ZNF585A: variants seen among roughly 807,000 people sequenced by gnomAD.
ZNF585A encodes zinc finger protein 585A.
A neutral mutation model predicts 14.9 loss-of-function variants in ZNF585A; 9 were observed. The ratio of observed to expected loss-of-function variants is 0.60; its 90% CI spans 0.36 to 1.05. The LOEUF is 1.05. ZNF585A is among the 50% of genes least tolerant of loss of function. The pLI is 0.01. For synonymous variants in ZNF585A, 276 were observed against 319.9 expected (o/e 0.86, Z 1.46); for missense variants, 726 against 926.4 (o/e 0.78, Z 2.81).
rs1682742004 is a variant in ZNF585A at position 37,147,523 on chromosome 19, A to C, written c.*4066T>G. On this transcript the variant is annotated 3_prime_UTR_variant, in exon 5 of 5. Transcript: ENST00000292841. ...ACTACGTGAAAGTAGAAATAACCAA[A>C]ATATTATGTGAAAGTTTGATATGTA... 1 of 152,242 alleles carries C rather than the reference A, an allele frequency of 6.6e-6. No individual in the cohort carries two copies. Among genetic ancestry groups the C allele is most frequent in the Non-Finnish European group, 1.5e-5 (1 of 68,044 alleles). The allele number at this position is 152,242 out of a possible 1,614,324, so 9.4% of individuals were successfully genotyped here.
chr19:37,170,928 TAAAACAATATA>T (rs2145419942), intron 1 of ZNF585A, among the ~76,000 whole-genome samples: 1 of 152,324 alleles, frequency 6.6e-6, no homozygotes, highest in South Asian at 2.1e-4. Context: ...TATCAGATAT[TAAAACAATATA>T]AAAACAATGT....
In ZNF585A at chr19:37,156,358, G is replaced by A. The variant is rs754150486; in HGVS notation, c.73-3C>T. Reference sequence around the variant, plus strand: ...ACATCCCTGAAGGACACTGATCCCTGTAAGGGCAAATTCTTGTTCAATGTG... The same window carrying A: ...ACATCCCTGAAGGACACTGATCCCTATAAGGGCAAATTCTTGTTCAATGTG... On this transcript the variant is annotated splice_polypyrimidine_tract_variant and splice_region_variant and intron_variant, in intron 2 of 4. Coordinates refer to ENST00000292841, the MANE Select transcript of ZNF585A (RefSeq NM_001288800.2). 1.2e-5 allele frequency: 19 copies of A among 1,614,032 alleles called. No homozygotes were observed.
In ZNF585A at chr19:37,153,253, A is replaced by G. The variant is rs1971868764; in HGVS notation, c.646T>C (p.Cys216Arg). ...GAGAAGCCTTTCCCACACTGGCTGC[A>G]TTCATAGAGTTTCTCTCCGGTATGA... ...RIHTGEKLYE[C>R]SQCGKGFSYN... is the part of the protein sequence containing the mutation. Residue 216 changes from cysteine to arginine, a missense_variant, in exon 5 of 5, where the codon TGC becomes CGC. Transcript: ENST00000292841. The G allele has an allele frequency of 6.2e-7, 1 of 1,614,210 alleles. No homozygotes were observed. Among genetic ancestry groups the G allele is most frequent in the African/African-American group, 1.3e-5 (1 of 75,056 alleles).
intron 1 of ZNF585A, among the ~76,000 whole-genome samples, chr19:37,170,275 A>C (rs929955479): frequency 6.6e-6 from 1 of 152,198 alleles, no homozygotes; most frequent in Admixed American, 6.5e-5. Context: ...GAACCCAAAA[A>C]GTTTCGTTTC....
intron 2 of ZNF585A, among the ~76,000 whole-genome samples, chr19:37,169,297 G>A (rs1972144051): frequency 6.6e-6 from 1 of 151,972 alleles, no homozygotes. Flanking sequence ...GAATTAAAAT[G>A]TTGATAGTGG....
Position 37,150,192 on chromosome 19 carries a change from TG to T in ZNF585A, c.*1396del, listed in dbSNP as rs1971804693. On this transcript the variant is annotated 3_prime_UTR_variant, in exon 5 of 5. Coordinates refer to ENST00000292841, the MANE Select transcript of ZNF585A (RefSeq NM_001288800.2). ...ATGGTTCATTGTAAGTCACCGCCATTGCCTGAGGGGAAGGAAGAAAGTTAAC... is the reference window on the plus strand; with the variant it reads ...ATGGTTCATTGTAAGTCACCGCCATTCCTGAGGGGAAGGAAGAAAGTTAAC... 6.6e-6 allele frequency: 1 copy of T among 152,068 alleles called. No homozygotes were observed. The highest frequency in any genetic ancestry group is 2.4e-5 in the African/African-American group (1 of 41,380). The allele number at this position is 152,068 out of a possible 1,614,324, so 9.4% of individuals were successfully genotyped here. A position where few individuals can be genotyped will look rare whatever the true frequency, so the allele number is the denominator to read the frequency against.
At position 37,152,876 on chromosome 19, in the gene ZNF585A, G is replaced by A. The variant is rs746949800; in HGVS notation, c.1023C>T (p.Leu341=). The change falls in exon 5 of 5, where the codon CTC becomes CTT. Residue 341 remains leucine (L), a synonymous_variant. Coordinates refer to ENST00000292841, the MANE Select transcript of ZNF585A (RefSeq NM_001288800.2). The stretch of plus-strand genomic sequence containing the variant: ...TACTTTGAACTTTCTTATGTGTAAC[G>A]AGGTTGGAATTATTGCTGAAGACCT... ...YGKVFSNNSN[L]VTHKKVQSRE... is the part of the protein sequence containing the mutation. 5.0e-6 allele frequency: 8 copies of A among 1,614,176 alleles called. No homozygotes were observed. The highest frequency in any genetic ancestry group is 2.2e-5 in the East Asian group (1 of 44,888).
intron 2 of ZNF585A, among the ~76,000 whole-genome samples, chr19:37,162,082 C>G (rs913981274): frequency 3.9e-5 from 6 of 152,140 alleles, no homozygotes; most frequent in African/African-American, 1.2e-4. Context: ...GGCCAACATG[C>G]CTGGCTAGTT....
intron 2 of ZNF585A, among the ~76,000 whole-genome samples, chr19:37,161,461 C>A (rs1021723188): frequency 1.4e-4 from 22 of 152,128 alleles, no homozygotes; most frequent in Admixed American, 1.2e-3. Flanking sequence ...AGACTCATTG[C>A]ACAATTGATG....
rs1246758130 is a variant in ZNF585A at position 37,153,500 on chromosome 19, G to T, written c.399C>A (p.Ala133=). ...MYPGEKAYEC[A]KFEKIFTQKS... is the part of the protein sequence containing the mutation. The stretch of plus-strand genomic sequence containing the variant: ...TCTGGGTGAATATCTTTTCAAATTT[G>T]GCGCATTCATAAGCTTTCTCCCCAG... The change falls in exon 5 of 5, where the codon GCC becomes GCA. Residue 133 remains alanine, a synonymous_variant. Coordinates refer to ENST00000292841, the MANE Select transcript of ZNF585A (RefSeq NM_001288800.2). 1.5e-5 allele frequency: 25 copies of T among 1,614,070 alleles called. No individual in the cohort carries two copies. The highest frequency in any genetic ancestry group is 2.1e-5 in the Non-Finnish European group (25 of 1,180,026).
chr19:37,155,335 G>A (rs985718201), intron 4 of ZNF585A, among the ~76,000 whole-genome samples: 2 of 151,090 alleles, frequency 1.3e-5, no homozygotes, highest in Non-Finnish European at 3.0e-5. Context: ...CAGAATCCAC[G>A]AAGCCAAAGA....
Position 37,151,822 on chromosome 19 carries a change from T to C in ZNF585A, c.2077A>G (p.Ser693Gly). The stretch of plus-strand genomic sequence containing the variant: ...TTAGTGAAAGACTTCCCACAGTCAC[T>C]GCACTCATAAGGTTTCTCTCCAGTA... ...IHTGEKPYEC[S>G]DCGKSFTKKS... The change falls in exon 5 of 5, where the codon AGT becomes GGT. Residue 693 changes from serine to glycine, a missense_variant. Physicochemically the swap from Ser to Gly is moderately conservative, Grantham distance 56 (BLOSUM62 0). This residue lies in a region of ZNF585A where 243 missense variants were observed against 383.6 expected (regional missense o/e 0.63). Transcript: ENST00000292841. 4.3e-6 allele frequency: 7 copies of C among 1,612,572 alleles called. No homozygotes were observed. Among genetic ancestry groups the C allele is most frequent in the Non-Finnish European group, 5.9e-6 (7 of 1,179,130 alleles).
chr19:37,169,171 T>G (rs1972142390), intron 2 of ZNF585A, among the ~76,000 whole-genome samples: 2 of 152,154 alleles, frequency 1.3e-5, no homozygotes, highest in Non-Finnish European at 2.9e-5. Context: ...CCTAATACAC[T>G]ATCACAATAT....
chr19:37,152,013 G>C lies in ZNF585A; in HGVS notation c.1886C>G (p.Thr629Arg), dbSNP rs1289629734. ...SQLLVHQPVH[T>R]GEKPYVCAEC... ...GGCACACACATAGGGTTTCTCTCCT[G>C]TGTGAACTGGCTGATGCACCAGGAG... Residue 629 changes from threonine (T) to arginine (R), a missense_variant, in exon 5 of 5, where the codon ACA becomes AGA. By Grantham distance (71) the Thr-to-Arg change is moderately conservative. This residue lies in a region of ZNF585A where 243 missense variants were observed against 383.6 expected (regional missense o/e 0.63). Coordinates refer to ENST00000292841, the MANE Select transcript of ZNF585A (RefSeq NM_001288800.2). 3.1e-6 allele frequency: 5 copies of C among 1,613,322 alleles called. No individual in the cohort carries two copies. Among genetic ancestry groups the C allele is most frequent in the Non-Finnish European group, 4.2e-6 (5 of 1,179,660 alleles).
intron 4 of ZNF585A, among the ~76,000 whole-genome samples, chr19:37,155,287 C>G (rs552248534): frequency 3.9e-4 from 59 of 151,874 alleles, no homozygotes; most frequent in Non-Finnish European, 6.9e-4. Context: ...CGCGCCCGGC[C>G]AAGAAAGATC....
rs1415718645 is a variant in ZNF585A, at chr19:37,148,436, T to C, written c.*3153A>G. ...CACACACACACAAGGACTCCACTTA[T>C]ACAATATTATGGAAAAGGCAGAACT... On this transcript the variant is annotated 3_prime_UTR_variant, in exon 5 of 5. Coordinates refer to ENST00000292841, the MANE Select transcript of ZNF585A (RefSeq NM_001288800.2). 1 of 151,598 alleles carries C rather than the reference T, an allele frequency of 6.6e-6. No individual in the cohort carries two copies. The allele number at this position is 151,598 out of a possible 1,614,324, so 9.4% of individuals were successfully genotyped here. A position where few individuals can be genotyped will look rare whatever the true frequency, so the allele number is the denominator to read the frequency against.
In ZNF585A at chr19:37,149,137, C is replaced by A. The variant is rs534464134; in HGVS notation, c.*2452G>T. 6.6e-6 allele frequency: 1 copy of A among 152,196 alleles called. No individual in the cohort carries two copies. Among genetic ancestry groups the A allele is most frequent in the African/African-American group, 2.4e-5 (1 of 41,528 alleles). The allele number at this position is 152,196 out of a possible 1,614,324, so 9.4% of individuals were successfully genotyped here. On this transcript the variant is annotated 3_prime_UTR_variant, in exon 5 of 5. Coordinates refer to ENST00000292841, the MANE Select transcript of ZNF585A (RefSeq NM_001288800.2). Reference sequence around the variant, plus strand: ...TCTATGGTGTTACACCAAGGATGAACCCTAATATAACCTATAGACTTGGGG... The same window carrying A: ...TCTATGGTGTTACACCAAGGATGAAACCTAATATAACCTATAGACTTGGGG...
rs1317913668 is a variant in ZNF585A, at chr19:37,150,135, G to A, written c.*1454C>T. 1 of 151,840 alleles carries A rather than the reference G, an allele frequency of 6.6e-6. No homozygotes were observed. Among genetic ancestry groups the A allele is most frequent in the African/African-American group, 2.4e-5 (1 of 41,296 alleles). The allele number at this position is 151,840 out of a possible 1,614,324, so 9.4% of individuals were successfully genotyped here. A position where few individuals can be genotyped will look rare whatever the true frequency, so the allele number is the denominator to read the frequency against. On this transcript the variant is annotated 3_prime_UTR_variant, in exon 5 of 5. Coordinates refer to ENST00000292841, the MANE Select transcript of ZNF585A (RefSeq NM_001288800.2). ...TCCTAGAAAGAAGGGGACAGAAGAG[G>A]CTCCAAAATACAGTTGGGAAATGTG...
intron 3 of ZNF585A, 23 bp from the exon 4 acceptor site, chr19:37,155,980 G>T: frequency 6.2e-7 from 1 of 1,613,626 alleles, no homozygotes; most frequent in Non-Finnish European, 8.5e-7. Flanking sequence ...AATGATAAAG[G>T]TCTGGGTCCA....
Sources: allele counts gnomAD v4.1 joint callset (sites outside exome capture counted in the v4.1 genomes callset), GRCh38; gene constraint gnomAD v4.1.1; regional missense constraint gnomAD v4.1.1; transcripts MANE v1.5; gene names NCBI Gene and HGNC (gene_info 2026-07-23, HGNC 2026-07-21).